The following NEDD4 variants were observed in gnomAD, a reference collection of about 807,000 sequenced individuals.
NEDD4 encodes NEDD4 E3 ubiquitin protein ligase.
NEDD4 carries 99 observed loss-of-function variants against 144.9 expected under a neutral mutation model. The observed-to-expected ratio is 0.68, with a 90% CI of 0.58 to 0.81. The LOEUF is 0.81. Ranked by LOEUF, NEDD4 falls within the 30% of genes least tolerant of loss-of-function variation. The pLI is 0.00. For missense variants in NEDD4, 985 were observed against 1,065.9 expected, an observed-to-expected ratio of 0.92 and a Z score of 1.06; for synonymous variants, 318 against 350.6, an observed-to-expected ratio of 0.91 and a Z score of 1.04.
chr15:55,890,271 G>A (rs1276327193), intron 5 of NEDD4, among the ~76,000 whole-genome samples: 1 of 152,156 alleles, frequency 6.6e-6, no homozygotes, highest in Non-Finnish European at 1.5e-5. Flanking sequence ...TATTTTCACA[G>A]AGTTGTTCAA....
intron 4 of NEDD4, among the ~76,000 whole-genome samples, chr15:55,949,052 T>C (rs1326563658): frequency 6.6e-6 from 1 of 151,988 alleles, no homozygotes; most frequent in East Asian, 1.9e-4. Flanking sequence ...TGCAATCTAC[T>C]CATCTGACAA....
chr15:55,946,507 C>G (rs2142289148), intron 4 of NEDD4, among the ~76,000 whole-genome samples: 1 of 152,288 alleles, frequency 6.6e-6, no homozygotes, highest in Admixed American at 6.5e-5. Context: ...ATTCATAAAG[C>G]AAGTCCTTAG....
At chr15:55,830,675 C>T (rs1445322588) in intron 27 of NEDD4, 89 bp from the exon 28 acceptor site, 2 of 948,758 alleles carry the variant, frequency 2.1e-6, no homozygotes, top group African/African-American at 1.6e-5. Flanking sequence ...CTAGTTCCTA[C>T]ACACACACAG....
chr15:55,838,623 A>G lies in NEDD4; in HGVS notation c.2032-19T>C, dbSNP rs748765362. 3.2e-6 allele frequency: 5 copies of G among 1,548,666 alleles called. No individual in the cohort carries two copies. Among genetic ancestry groups the G allele is most frequent in the Non-Finnish European group, 8.9e-7 (1 of 1,123,444 alleles). ...CACTATCCTAGATGGGAAAAATTAC[A>G]TATTTAAAATTTGTATCTATAACAC... On this transcript the variant is annotated intron_variant, in intron 21 of 28. Transcript: ENST00000435532.
intron 5 of NEDD4, chr15:55,916,195 T>C (rs2036436915): frequency 1.2e-6 from 2 of 1,614,012 alleles, no homozygotes; most frequent in East Asian, 4.5e-5. Context: ...ACACTTCTAT[T>C]GGAGGTGCTG....
At chr15:55,867,743 T>A (rs1356115721) in intron 8 of NEDD4, among the ~76,000 whole-genome samples, 1 of 152,190 alleles carries the variant, frequency 6.6e-6, no homozygotes, top group East Asian at 1.9e-4. Context: ...CTATCTATAC[T>A]CTGTGATTTG....
chr15:55,903,796 G>C (rs1275545284), intron 5 of NEDD4, among the ~76,000 whole-genome samples: 18 of 142,518 alleles, frequency 1.3e-4, no homozygotes, highest in Non-Finnish European at 2.4e-4. Context: ...CTGCACTCCA[G>C]CCTGGGTGAC....
chr15:55,923,763 T>A (rs577439870), intron 5 of NEDD4, among the ~76,000 whole-genome samples: 2 of 151,984 alleles, frequency 1.3e-5, no homozygotes. Context: ...ATATCTTTAG[T>A]TGCCAGTATA....
intron 1 of NEDD4, among the ~76,000 whole-genome samples, chr15:55,972,455 A>G (rs2037627802): frequency 6.6e-6 from 1 of 152,230 alleles, no homozygotes; most frequent in Non-Finnish European, 1.5e-5. Context: ...AACTGTTATC[A>G]GTTTAAAATA....
At chr15:55,918,212 C>A (rs557501079) in intron 5 of NEDD4, among the ~76,000 whole-genome samples, 1 of 152,088 alleles carries the variant, frequency 6.6e-6, no homozygotes, top group East Asian at 1.9e-4. Flanking sequence ...ACTGTTTGTC[C>A]TTTTAGAGGT....
intron 1 of NEDD4, among the ~76,000 whole-genome samples, chr15:55,982,457 C>G (rs1337401778): frequency 1.3e-5 from 2 of 151,914 alleles, no homozygotes; most frequent in Non-Finnish European, 2.9e-5. Context: ...ACAAACAACC[C>G]CATGGATGAC....
chr15:55,885,577 C>G (rs2035356348), intron 5 of NEDD4, among the ~76,000 whole-genome samples: 1 of 152,012 alleles, frequency 6.6e-6, no homozygotes, highest in African/African-American at 2.4e-5. Context: ...TATTAGTTTT[C>G]TCTTGGCTTG....
intron 4 of NEDD4, among the ~76,000 whole-genome samples, chr15:55,951,094 A>G (rs2037229540): frequency 6.6e-6 from 1 of 152,210 alleles, no homozygotes; most frequent in Non-Finnish European, 1.5e-5. Context: ...TATAATTTGC[A>G]TCATCTTTAT....
At chr15:55,843,895 CAT>C (rs1240996859) in intron 18 of NEDD4, among the ~76,000 whole-genome samples, 1 of 152,128 alleles carries the variant, frequency 6.6e-6, no homozygotes, top group Non-Finnish European at 1.5e-5. Flanking sequence ...GGAATAAAAA[CAT>C]AGGGTAAGAT....
chr15:55,940,627 AG>A (rs1256097671), intron 4 of NEDD4, among the ~76,000 whole-genome samples: 1 of 151,700 alleles, frequency 6.6e-6, no homozygotes, highest in African/African-American at 2.4e-5. Flanking sequence ...CTTGGCTCAA[AG>A]AATTGTCTCC....
intron 1 of NEDD4, among the ~76,000 whole-genome samples, chr15:55,975,578 T>C (rs186877714): frequency 1.3e-5 from 2 of 151,350 alleles, no homozygotes; most frequent in Admixed American, 6.6e-5. Context: ...ACCAAAGAAG[T>C]GAGAGATCTC....
At chr15:55,937,769 A>G (rs1595860317) in intron 4 of NEDD4, among the ~76,000 whole-genome samples, 1 of 152,214 alleles carries the variant, frequency 6.6e-6, no homozygotes, top group East Asian at 1.9e-4. Flanking sequence ...CACAAATTCA[A>G]TGTTACACTC....
chr15:55,988,475 A>T (rs1347464211), intron 1 of NEDD4, among the ~76,000 whole-genome samples: 1 of 98,540 alleles, frequency 1.0e-5, no homozygotes, highest in Non-Finnish European at 2.1e-5. Flanking sequence ...AGAGTATAAT[A>T]AAAAAAAAAA....
At chr15:55,916,933 T>C in intron 5 of NEDD4, 2 of 1,499,274 alleles carry the variant, frequency 1.3e-6, no homozygotes, top group Non-Finnish European at 1.8e-6. Flanking sequence ...GAAAAAATCA[T>C]TTGTGGTGCC....
Sources: gnomAD v4.1 joint callset for allele counts (sites outside exome capture counted in the v4.1 genomes callset) on GRCh38, gnomAD v4.1.1 for gene constraint, MANE v1.5 for transcripts, NCBI Gene and HGNC (gene_info 2026-07-23, HGNC 2026-07-21) for gene names.